Variants in STAG2 observed in about 807,000 individuals in gnomAD.
STAG2 encodes the protein STAG2 cohesin complex component, also known as cohesin subunit SA-2.
In STAG2, 14 loss-of-function variants were observed where a neutral mutation model predicts 108.1. That is an observed-to-expected ratio of 0.13 (90% CI 0.09 to 0.20). The LOEUF is 0.20. Ranked by LOEUF, STAG2 falls within the 10% of genes least tolerant of loss-of-function variation. The pLI, the probability that STAG2 is intolerant of heterozygous loss-of-function variation, is 1.00. For missense variants in STAG2, 440 were observed against 940.9 expected (o/e 0.47, Z 6.96); for synonymous variants, 307 against 302.7 (o/e 1.01, Z -0.15).
At chrX:124,043,023 G>GA (rs1179504045) in intron 7 of STAG2, among the ~76,000 whole-genome samples, 297 of 104,963 alleles carry the variant, frequency 2.8e-3, no homozygotes, top group African/African-American at 9.6e-3. Context: ...AAAAAAAAAG[G>GA]AAAAAAAAAA....
At chrX:124,030,595 C>T (rs376985878) in intron 4 of STAG2, among the ~76,000 whole-genome samples, 3 of 111,426 alleles carry the variant, frequency 2.7e-5, no homozygotes, top group African/African-American at 9.8e-5. Flanking sequence ...TCGCAGCAAC[C>T]CTATGGGGTA....
At chrX:124,097,494 A>G (rs1449509402) in intron 34 of STAG2, among the ~76,000 whole-genome samples, 1 of 111,887 alleles carries the variant, frequency 8.9e-6, no homozygotes. Flanking sequence ...AAATGCATTT[A>G]TTCAACAATT....
intron 1 of STAG2, among the ~76,000 whole-genome samples, chrX:123,997,691 G>A (rs866708380): frequency 1.8e-5 from 2 of 112,697 alleles, no homozygotes; most frequent in African/African-American, 6.4e-5. Context: ...AGGCGGGAGT[G>A]CATTGGCACG....
At chrX:123,988,328 A>C (rs749017944) in intron 1 of STAG2, among the ~76,000 whole-genome samples, 1 of 111,361 alleles carries the variant, frequency 9.0e-6, no homozygotes, top group South Asian at 3.7e-4. Flanking sequence ...GAGTTTCACT[A>C]TTATTTTATT....
intron 30 of STAG2, 92 bp downstream of exon 30, chrX:124,086,862 G>A (rs1317452744): frequency 1.1e-5 from 8 of 703,960 alleles, no homozygotes; most frequent in Non-Finnish European, 1.6e-5. Flanking sequence ...TTTGAGATGT[G>A]TTCAATAATA....
At chrX:123,965,020 C>G (rs2054034259) in intron 1 of STAG2, among the ~76,000 whole-genome samples, 1 of 105,163 alleles carries the variant, frequency 9.5e-6, no homozygotes, top group African/African-American at 3.5e-5. Context: ...TTTTTTTCCC[C>G]CAGGAGATAC....
intron 1 of STAG2, among the ~76,000 whole-genome samples, chrX:124,011,760 CTT>C (rs752152295): frequency 9.0e-6 from 1 of 110,651 alleles, no homozygotes; most frequent in East Asian, 2.8e-4. Context: ...GCTCAGGTCT[CTT>C]TCTCTTCTAA....
At chrX:124,086,886 GTTCA>G in intron 30 of STAG2, 116 bp downstream of exon 30, 1 of 610,728 alleles carries the variant, frequency 1.6e-6, no homozygotes, top group Non-Finnish European at 2.4e-6. Flanking sequence ...TACAAAATGT[GTTCA>G]TTATGTGTAA....
intron 1 of STAG2, among the ~76,000 whole-genome samples, chrX:123,963,009 C>G (rs1209567235): frequency 8.9e-5 from 10 of 111,963 alleles, no homozygotes; most frequent in African/African-American, 3.3e-4. Context: ...TGGTTAGTGT[C>G]GAAAGAGGAA....
At chrX:124,034,713 C>T (rs1381238013) in intron 5 of STAG2, among the ~76,000 whole-genome samples, 1 of 111,127 alleles carries the variant, frequency 9.0e-6, no homozygotes, top group Non-Finnish European at 1.9e-5. Flanking sequence ...ACTACTTTTC[C>T]TTTCCAATGT....
At chrX:124,028,822 A>ATATATATTTTTTT (rs1296806013) in intron 4 of STAG2, among the ~76,000 whole-genome samples, 7 of 38,976 alleles carry the variant, frequency 1.8e-4, no homozygotes, top group African/African-American at 7.8e-4. Context: ...ATATATATAT[A>ATATATATTTTTTT]TTTTTTTTTT....
Position 124,093,922 on chromosome X carries a change from C to A in STAG2, c.3579-96C>A. Reference sequence around the variant, plus strand: ...CCCTGACCTTTAATTCCATCATTTTCCATTATACTTGAATATAGAGAGCCA... The same window carrying A: ...CCCTGACCTTTAATTCCATCATTTTACATTATACTTGAATATAGAGAGCCA... On this transcript the variant is annotated intron_variant, in intron 32 of 34. Transcript: ENST00000371145. 4 of 945,043 alleles carry A rather than the reference C, an allele frequency of 4.2e-6. No homozygotes were observed. In the South Asian group the frequency reaches 9.0e-5, roughly 21 times the overall value. The allele number at this position is 945,043 out of a possible 1,213,427, so 77.9% of individuals were successfully genotyped here. A position where few individuals can be genotyped will look rare whatever the true frequency, so the allele number is the denominator to read the frequency against.
chrX:124,057,325 A>G (rs1017712350), intron 14 of STAG2, among the ~76,000 whole-genome samples: 2 of 111,823 alleles, frequency 1.8e-5, no homozygotes, highest in Non-Finnish European at 3.8e-5. Context: ...GGGTGCAGCA[A>G]TTATTAGGAA....
At chrX:123,969,136 T>A (rs2054235464) in intron 1 of STAG2, among the ~76,000 whole-genome samples, 1 of 112,248 alleles carries the variant, frequency 8.9e-6, no homozygotes, top group South Asian at 3.7e-4. Context: ...GCCTGAGGTC[T>A]ATATTGTCTT....
chrX:124,075,912 T>C (rs191327714), intron 25 of STAG2, among the ~76,000 whole-genome samples: 1 of 111,499 alleles, frequency 9.0e-6, no homozygotes, highest in East Asian at 2.8e-4. Context: ...AGGACTGTTA[T>C]AGCCAGATTT....
intron 1 of STAG2, among the ~76,000 whole-genome samples, chrX:123,972,483 G>C (rs1057253773): frequency 3.7e-5 from 4 of 108,637 alleles, no homozygotes; most frequent in Non-Finnish European, 7.7e-5. Flanking sequence ...GTGTTAGCCA[G>C]GATGGTCTTG....
intron 30 of STAG2, among the ~76,000 whole-genome samples, chrX:124,088,633 T>G (rs1603179757): frequency 9.9e-6 from 1 of 101,089 alleles, no homozygotes; most frequent in East Asian, 3.4e-4. Context: ...TTTTTTTTTT[T>G]GATGGAGTTT....
intron 10 of STAG2, among the ~76,000 whole-genome samples, chrX:124,049,601 A>G (rs1191841548): frequency 8.9e-6 from 1 of 112,048 alleles, no homozygotes; most frequent in Admixed American, 9.5e-5. Context: ...GTTAATGCTT[A>G]CTTTTTGTAA....
intron 6 of STAG2, among the ~76,000 whole-genome samples, chrX:124,039,664 T>TC (rs2057644421): frequency 9.4e-6 from 1 of 106,744 alleles, no homozygotes; most frequent in African/African-American, 3.4e-5. Context: ...TTAATTTAAT[T>TC]TTTTTTTGTA....
Sources: gnomAD v4.1 joint callset for allele counts (sites outside exome capture counted in the v4.1 genomes callset) on GRCh38, gnomAD v4.1.1 for gene constraint, MANE v1.5 for transcripts, NCBI Gene and HGNC (gene_info 2026-07-23, HGNC 2026-07-21) for gene names.